OSTN: variants seen among roughly 807,000 people sequenced by gnomAD.
OSTN encodes the protein osteocrin.
A neutral mutation model predicts 12.0 loss-of-function variants in OSTN; 9 were observed. That is an observed-to-expected ratio of 0.75 (90% CI 0.45 to 1.30). OSTN has a LOEUF of 1.30. OSTN is among the 50% of genes most tolerant of loss of function. OSTN has a pLI of 0.00. For synonymous variants in OSTN, 59 were observed against 56.9 expected, an observed-to-expected ratio of 1.04 and a Z score of -0.16; for missense variants, 148 against 152.3, an observed-to-expected ratio of 0.97 and a Z score of 0.15.
intron 4 of OSTN, among the ~76,000 whole-genome samples, chr3:191,257,546 A>T (rs1057458861): frequency 1.6e-4 from 24 of 152,164 alleles, no homozygotes; most frequent in African/African-American, 5.8e-4. Flanking sequence ...AAGATGGACC[A>T]GGTGTTATCC....
At chr3:191,256,694 A>G (rs1222448612) in intron 4 of OSTN, among the ~76,000 whole-genome samples, 12 of 151,326 alleles carry the variant, frequency 7.9e-5, no homozygotes, top group Admixed American at 7.9e-4. Flanking sequence ...TTAATACTAT[A>G]TTAAAAGATT....
At chr3:191,223,861 T>A (rs1371429629) in intron 3 of OSTN, among the ~76,000 whole-genome samples, 1 of 152,178 alleles carries the variant, frequency 6.6e-6, no homozygotes, top group Non-Finnish European at 1.5e-5. Context: ...TGGATGGCTA[T>A]AACTTGCCTA....
chr3:191,250,402 T>C (rs935239105), intron 4 of OSTN, among the ~76,000 whole-genome samples: 6 of 152,182 alleles, frequency 3.9e-5, no homozygotes, highest in African/African-American at 1.2e-4. Flanking sequence ...TAATTAACCA[T>C]TGAATATTAA....
chr3:191,245,619 C>T (rs1459523071), intron 3 of OSTN, among the ~76,000 whole-genome samples: 2 of 152,100 alleles, frequency 1.3e-5, no homozygotes, highest in Non-Finnish European at 2.9e-5. Context: ...CACTATACCG[C>T]AGCTGCCTCT....
At chr3:191,240,256 C>A (rs1470637429) in intron 3 of OSTN, among the ~76,000 whole-genome samples, 1 of 152,174 alleles carries the variant, frequency 6.6e-6, no homozygotes, top group East Asian at 1.9e-4. Context: ...AGTCCTTCAG[C>A]TTGGTCTGTT....
intron 3 of OSTN, among the ~76,000 whole-genome samples, chr3:191,222,981 C>T (rs1714808183): frequency 6.6e-6 from 1 of 151,936 alleles, no homozygotes; most frequent in Admixed American, 6.6e-5. Context: ...CTGAGGCTTC[C>T]CCAGCCCTGT....
rs553342333 is a variant in OSTN at position 191,232,063 on chromosome 3, G to A, written c.317+13102G>A. On this transcript the variant is annotated intron_variant, in intron 3 of 4. Transcript: ENST00000682035. The stretch of plus-strand genomic sequence containing the variant: ...ACAATAGCTGTGGCTGGGTGCGGTG[G>A]CTCATGCCTGTAATTCCAGCACTTG... 2.5e-3 allele frequency among the ~76,000 whole-genome samples: 381 copies of A among 152,044 alleles called. 2 individuals carry two copies. Among genetic ancestry groups the A allele is most frequent in the Middle Eastern group, 6.8e-3 (2 of 294 alleles).
rs982862556 is a variant in OSTN at position 191,265,163 on chromosome 3, A to G, written c.*2310A>G. 1 of 152,198 alleles carries G rather than the reference A, an allele frequency of 6.6e-6. No individual in the cohort carries two copies. The allele number at this position is 152,198 out of a possible 1,614,324, so 9.4% of individuals were successfully genotyped here. A position where few individuals can be genotyped will look rare whatever the true frequency, so the allele number is the denominator to read the frequency against. On this transcript the variant is annotated 3_prime_UTR_variant, in exon 5 of 5. Transcript: ENST00000682035. ...ATTTTTGTTAAGAATATGACAAGTC[A>G]TCTCACTTATTTATCCAATGCATTA...
rs189680301 is a variant in OSTN, at chr3:191,203,973, C to T, written c.-1+4666C>T. On this transcript the variant is annotated intron_variant, in intron 1 of 4. Coordinates refer to ENST00000682035, the MANE Select transcript of OSTN (RefSeq NM_198184.2). ...CGCAATCTCGGCTCACTGCAACCTC[C>T]GCCTCCTGGGTTCAAGCGATTCTCC... Among the ~76,000 whole-genome samples, 566 of 152,250 alleles carry T rather than the reference C, an allele frequency of 3.7e-3. 5 individuals are homozygous for T. Among genetic ancestry groups the T allele is most frequent in the African/African-American group, 0.012 (506 of 41,542 alleles).
chr3:191,254,610 C>G (rs1020609616), intron 4 of OSTN, among the ~76,000 whole-genome samples: 7 of 152,150 alleles, frequency 4.6e-5, no homozygotes, highest in African/African-American at 1.7e-4. Context: ...ATGAATAAGG[C>G]TAGAATCTAA....
At chr3:191,208,202 T>C (rs1353265605) in intron 1 of OSTN, among the ~76,000 whole-genome samples, 1 of 152,216 alleles carries the variant, frequency 6.6e-6, no homozygotes, top group Non-Finnish European at 1.5e-5. Context: ...GAACACCCTT[T>C]CATTGAACTT....
chr3:191,231,101 AT>A (rs1361271901), intron 3 of OSTN, among the ~76,000 whole-genome samples: 1 of 152,106 alleles, frequency 6.6e-6, no homozygotes. Context: ...TTTTGGCAGC[AT>A]TTTTTTAAAT....
At chr3:191,237,012 A>G (rs1417224691) in intron 3 of OSTN, among the ~76,000 whole-genome samples, 1 of 152,134 alleles carries the variant, frequency 6.6e-6, no homozygotes, top group East Asian at 1.9e-4. Flanking sequence ...GTGACTTTCC[A>G]CTTAATTTCT....
chr3:191,218,819 A>G lies in OSTN; in HGVS notation c.175A>G (p.Thr59Ala), dbSNP rs555038682. 49 of 1,614,102 alleles carry G rather than the reference A, an allele frequency of 3.0e-5. 1 individual carries two copies. In the South Asian group the frequency reaches 5.1e-4, roughly 17 times the overall value. The change falls in exon 3 of 5, where the codon ACA becomes GCA. Residue 59 changes from threonine to alanine, a missense_variant. Transcript: ENST00000682035. ...GGAAGAGAAATCAGCCACTGACCTG[A>G]CAGCAAAACTCTTGCTTCTTGATGA... is the stretch of plus-strand genomic sequence containing the variant. The part of the protein sequence containing the change: ...VREEKSATDL[T>A]AKLLLLDELV...
rs577023703 is a variant in OSTN at position 191,221,837 on chromosome 3, T to A, written c.317+2876T>A. Among the ~76,000 whole-genome samples, 69 of 152,246 alleles carry A rather than the reference T, an allele frequency of 4.5e-4. No individual in the cohort carries two copies. In the South Asian group the frequency reaches 9.1e-3, roughly 20 times the overall value. ...AAATATCTCCAGGGCATGTCAGAAG[T>A]CTTCACAGCAGCCCCTCCCATCACA... On this transcript the variant is annotated intron_variant, in intron 3 of 4. Transcript: ENST00000682035.
chr3:191,221,554 G>A (rs376840506), intron 3 of OSTN, among the ~76,000 whole-genome samples: 40 of 152,124 alleles, frequency 2.6e-4, no homozygotes, highest in African/African-American at 7.2e-4. Flanking sequence ...GCAATGCAAA[G>A]AGATTGATAG....
At chr3:191,238,424 A>C (rs1227841197) in intron 3 of OSTN, among the ~76,000 whole-genome samples, 4 of 152,224 alleles carry the variant, frequency 2.6e-5, no homozygotes, top group Non-Finnish European at 5.9e-5. Flanking sequence ...TACATTTTAC[A>C]TATGACAAGA....
chr3:191,225,345 GA>G (rs1714882074), intron 3 of OSTN, among the ~76,000 whole-genome samples: 1 of 152,084 alleles, frequency 6.6e-6, no homozygotes, highest in Non-Finnish European at 1.5e-5. Flanking sequence ...TTTGCCAACA[GA>G]AGTACCAGAT....
chr3:191,223,965 T>C (rs1714840985), intron 3 of OSTN, among the ~76,000 whole-genome samples: 1 of 151,624 alleles, frequency 6.6e-6, no homozygotes, highest in African/African-American at 2.4e-5. Flanking sequence ...AGATTTAGGA[T>C]GGATAATAGT....
Sources: allele counts gnomAD v4.1 joint callset (sites outside exome capture counted in the v4.1 genomes callset), GRCh38; gene constraint gnomAD v4.1.1; transcripts MANE v1.5; gene names NCBI Gene and HGNC (gene_info 2026-07-23, HGNC 2026-07-21).